The following ZMYM4 variants were observed in gnomAD, a reference collection of about 807,000 sequenced individuals.
The protein encoded by ZMYM4 is zinc finger MYM-type protein 4.
A neutral mutation model predicts 183.2 loss-of-function variants in ZMYM4; 31 were observed. The observed-to-expected ratio is 0.17, with a 90% CI of 0.13 to 0.23. The LOEUF (loss-of-function observed/expected upper bound fraction) is 0.23. Ranked by LOEUF, ZMYM4 falls within the 10% of genes least tolerant of loss-of-function variation. ZMYM4 has a pLI of 1.00. For synonymous variants in ZMYM4, 592 were observed against 631.2 expected, an observed-to-expected ratio of 0.94 and a Z score of 0.93; for missense variants, 1,273 against 1,840.3, an observed-to-expected ratio of 0.69 and a Z score of 5.64.
intron 1 of ZMYM4, among the ~76,000 whole-genome samples, chr1:35,302,677 G>A (rs768040130): frequency 1.3e-5 from 2 of 151,688 alleles, no homozygotes; most frequent in Non-Finnish European, 2.9e-5. Context: ...GAGCCACAGC[G>A]CCCAGCCTAA....
intron 2 of ZMYM4, among the ~76,000 whole-genome samples, chr1:35,346,275 T>G (rs1483935637): frequency 1.3e-5 from 2 of 152,188 alleles, no homozygotes; most frequent in Admixed American, 6.5e-5. Context: ...CCATGGTGGC[T>G]GGAAGTGGAA....
intron 21 of ZMYM4, 113 bp downstream of exon 21, chr1:35,398,579 G>A: frequency 2.2e-6 from 2 of 929,322 alleles, no homozygotes; most frequent in Admixed American, 2.7e-5. Flanking sequence ...TTTGTAAGGG[G>A]TATCAGATGT....
chr1:35,396,966 G>A, intron 19 of ZMYM4: 1 of 642,620 alleles, frequency 1.6e-6, no homozygotes, highest in Non-Finnish European at 2.0e-6. Context: ...ATTCTAGCAA[G>A]GGTGAAAAGA....
At chr1:35,275,351 C>T (rs908046038) in intron 1 of ZMYM4, among the ~76,000 whole-genome samples, 2 of 152,024 alleles carry the variant, frequency 1.3e-5, no homozygotes, top group African/African-American at 4.8e-5. Context: ...AAGCAATTCT[C>T]CTGCCTCAGT....
intron 1 of ZMYM4, among the ~76,000 whole-genome samples, chr1:35,280,923 A>G (rs923343149): frequency 2.0e-5 from 3 of 152,150 alleles, no homozygotes; most frequent in Admixed American, 6.5e-5. Flanking sequence ...GGGGACCACA[A>G]TTTAACCCAC....
Position 35,415,729 on chromosome 1 carries a change from TTGTC to T in ZMYM4, c.4309+16_4309+19del. 1 of 1,606,144 alleles carries T rather than the reference TTGTC, an allele frequency of 6.2e-7. No individual in the cohort carries two copies. Among genetic ancestry groups the T allele is most frequent in the African/African-American group, 1.3e-5 (1 of 74,956 alleles). On this transcript the variant is annotated intron_variant, in intron 28 of 29. Transcript: ENST00000314607. ...GTCAGAACCAGGTACGGGATACTGT[TTGTC>T]AGATTTCTCTTTGAAGTCTTAGTAG...
At chr1:35,309,981 G>C (rs796593498) in intron 1 of ZMYM4, among the ~76,000 whole-genome samples, 1 of 148,428 alleles carries the variant, frequency 6.7e-6, no homozygotes, top group African/African-American at 2.5e-5. Flanking sequence ...AAGGTCTAGA[G>C]TGCAATGGCG....
intron 23 of ZMYM4, among the ~76,000 whole-genome samples, chr1:35,400,990 CTACAATTTGTTCAGCTGTTTAACAGGTG>C (rs1644898023): frequency 6.6e-6 from 1 of 152,190 alleles, no homozygotes; most frequent in South Asian, 2.1e-4. Context: ...CATGGACAAA[CTACAATTTGTTCAGCTGTTTAACAGGTG>C]ATAAAAATTT....
At chr1:35,372,023 A>G (rs1485167398) in intron 7 of ZMYM4, among the ~76,000 whole-genome samples, 2 of 152,182 alleles carry the variant, frequency 1.3e-5, no homozygotes, top group Non-Finnish European at 2.9e-5. Context: ...CTTTCAAGCT[A>G]ATTACACATT....
At chr1:35,404,009 C>T (rs530594793) in intron 23 of ZMYM4, among the ~76,000 whole-genome samples, 25 of 152,194 alleles carry the variant, frequency 1.6e-4, no homozygotes, top group Non-Finnish European at 2.6e-4. Context: ...GTTGGGATTA[C>T]AGGCATGAGC....
At chr1:35,347,865 G>A (rs1348870677) in intron 2 of ZMYM4, among the ~76,000 whole-genome samples, 3 of 152,060 alleles carry the variant, frequency 2.0e-5, no homozygotes, top group African/African-American at 7.2e-5. Flanking sequence ...GCTTACAAAA[G>A]TAATATGCTC....
intron 23 of ZMYM4, chr1:35,400,246 G>A (rs1466717511): frequency 8.6e-6 from 1 of 116,944 alleles, no homozygotes; most frequent in Non-Finnish European, 1.6e-5. Context: ...CTGTCACCCA[G>A]GCTGGAGTGC....
rs77144442 is a variant in ZMYM4, at chr1:35,368,466, T to G, written c.841-1563T>G. Among the ~76,000 whole-genome samples, 30 of 152,248 alleles carry G rather than the reference T, an allele frequency of 2.0e-4. No individual in the cohort carries two copies. The East Asian group carries it at 5.0e-3, about 25-fold the overall frequency. On this transcript the variant is annotated intron_variant, in intron 5 of 29. Transcript: ENST00000314607. ...AGGAAATGTTGATAACAAATGCTACTGAGAGTTAATAGTGTTCCATTATAA... is the reference window on the plus strand; with the variant it reads ...AGGAAATGTTGATAACAAATGCTACGGAGAGTTAATAGTGTTCCATTATAA...
At chr1:35,308,194 G>A (rs969503103) in intron 1 of ZMYM4, among the ~76,000 whole-genome samples, 7 of 150,974 alleles carry the variant, frequency 4.6e-5, no homozygotes, top group Admixed American at 2.6e-4. Context: ...GTTTTGCCAC[G>A]TTGGCCAGGC....
chr1:35,367,234 T>C (rs532063097), intron 5 of ZMYM4, among the ~76,000 whole-genome samples: 1 of 150,786 alleles, frequency 6.6e-6, no homozygotes, highest in East Asian at 1.9e-4. Flanking sequence ...TTTTTTTTTT[T>C]AAAAGACAGA....
chr1:35,408,254 A>T, intron 26 of ZMYM4, 95 bp downstream of exon 26: 2 of 1,378,780 alleles, frequency 1.5e-6, no homozygotes, highest in Non-Finnish European at 2.0e-6. Context: ...ACACCCAGAT[A>T]TATACTGGTA....
At chr1:35,322,374 A>ATC (rs1642318407) in intron 1 of ZMYM4, among the ~76,000 whole-genome samples, 1 of 151,834 alleles carries the variant, frequency 6.6e-6, no homozygotes, top group African/African-American at 2.4e-5. Flanking sequence ...TTTCATGAAG[A>ATC]TCTCTTTTTC....
At chr1:35,369,820 A>T (rs896144674) in intron 5 of ZMYM4, among the ~76,000 whole-genome samples, 7 of 151,880 alleles carry the variant, frequency 4.6e-5, no homozygotes, top group Middle Eastern at 6.8e-3. Flanking sequence ...AGATACTTTC[A>T]TTTTTTTCTG....
At chr1:35,400,562 T>A (rs1213956006) in intron 23 of ZMYM4, among the ~76,000 whole-genome samples, 2 of 152,158 alleles carry the variant, frequency 1.3e-5, no homozygotes, top group Non-Finnish European at 2.9e-5. Context: ...GTTTTTCACA[T>A]TGACAGGGCT....
Sources: gnomAD v4.1 joint callset for allele counts (sites outside exome capture counted in the v4.1 genomes callset) on GRCh38, gnomAD v4.1.1 for gene constraint, MANE v1.5 for transcripts, NCBI Gene and HGNC (gene_info 2026-07-23, HGNC 2026-07-21) for gene names.